The following ADAMTS12 variants were observed in gnomAD, a reference collection of about 807,000 sequenced individuals.
ADAMTS12 encodes A disintegrin and metalloproteinase with thrombospondin motifs 12.
In ADAMTS12, 118 loss-of-function variants were observed where a neutral mutation model predicts 167.8. That is an observed-to-expected ratio of 0.70 (90% confidence interval 0.61 to 0.82). ADAMTS12 has a LOEUF of 0.82. ADAMTS12 is among the 40% of genes least tolerant of loss of function. The probability of loss-of-function intolerance (pLI) is 0.00; values close to 1 mark genes in which losing one functional copy is unlikely to be tolerated. For missense variants in ADAMTS12, 1,916 were observed against 1,998.8 expected (o/e 0.96, Z 0.79); for synonymous variants, 704 against 716.9 (o/e 0.98, Z 0.29).
At chr5:33,812,284 G>A (rs776190307) in intron 2 of ADAMTS12, among the ~76,000 whole-genome samples, 13 of 152,142 alleles carry the variant, frequency 8.5e-5, no homozygotes, top group Admixed American at 3.3e-4. Flanking sequence ...GCAAGACTCC[G>A]TCTCAAAAAT....
chr5:33,818,282 T>A (rs1237758212), intron 2 of ADAMTS12, among the ~76,000 whole-genome samples: 1 of 151,990 alleles, frequency 6.6e-6, no homozygotes, highest in Non-Finnish European at 1.5e-5. Flanking sequence ...CTCTCCCCCA[T>A]CCCCCTGATG....
chr5:33,613,306 T>G (rs149974890), intron 16 of ADAMTS12, among the ~76,000 whole-genome samples: 1 of 152,340 alleles, frequency 6.6e-6, no homozygotes, highest in South Asian at 2.1e-4. Flanking sequence ...ATGAGTGATA[T>G]AGCCCCAAGT....
intron 2 of ADAMTS12, among the ~76,000 whole-genome samples, chr5:33,780,440 CAT>C (rs1376064797): frequency 6.6e-6 from 1 of 152,096 alleles, no homozygotes; most frequent in Non-Finnish European, 1.5e-5. Flanking sequence ...TACAAAGAAA[CAT>C]GTGCATGATC....
rs113457891 is a variant in ADAMTS12 at position 33,864,372 on chromosome 5, G to A, written c.489+16747C>T. Among the ~76,000 whole-genome samples, 1,427 of 152,226 alleles carry A rather than the reference G, an allele frequency of 9.4e-3. 27 individuals are homozygous for A. Among genetic ancestry groups the A allele is most frequent in the African/African-American group, 0.033 (1,356 of 41,542 alleles). ...GGAGAGGATGTAGAGAAATAGGAAT[G>A]CTTTCACACCATTGGTGAGAGTGTA... On this transcript the variant is annotated intron_variant, in intron 2 of 23. Coordinates refer to ENST00000504830, the MANE Select transcript of ADAMTS12 (RefSeq NM_030955.4).
intron 10 of ADAMTS12, among the ~76,000 whole-genome samples, chr5:33,642,604 G>C (rs1477565853): frequency 6.6e-6 from 1 of 152,064 alleles, no homozygotes; most frequent in Non-Finnish European, 1.5e-5. Flanking sequence ...CCTCTTCAAG[G>C]CAATCCTTCC....
intron 13 of ADAMTS12, among the ~76,000 whole-genome samples, chr5:33,628,202 C>A (rs1052904495): frequency 1.3e-5 from 2 of 152,074 alleles, no homozygotes; most frequent in Admixed American, 1.3e-4. Flanking sequence ...AGTCAACCAA[C>A]TGGTTACCAG....
At chr5:33,849,128 T>TATATATATGTATTGCATAGCA (rs1561306332) in intron 2 of ADAMTS12, among the ~76,000 whole-genome samples, 96 of 61,868 alleles carry the variant, frequency 1.6e-3, no homozygotes, top group Admixed American at 3.7e-3. Flanking sequence ...TGCATAGCAA[T>TATATATATGTATTGCATAGCA]ATATATATAT....
intron 2 of ADAMTS12, among the ~76,000 whole-genome samples, chr5:33,799,376 C>T (rs1389588244): frequency 6.6e-6 from 1 of 152,188 alleles, no homozygotes. Flanking sequence ...CTCACCCTTT[C>T]CCAAGGGGCT....
Position 33,752,227 on chromosome 5 carries a change from T to C in ADAMTS12, c.490-679A>G, listed in dbSNP as rs139897297. On this transcript the variant is annotated intron_variant, in intron 2 of 23. Transcript: ENST00000504830. ...TTAGAGGTCAGGTCTAGAAGTGCTA[T>C]AACCTACAACTCTCTTGTCCTTTTA... Among the ~76,000 whole-genome samples, 201 of 152,352 alleles carry C rather than the reference T, an allele frequency of 1.3e-3. 1 individual carries two copies. Among genetic ancestry groups the C allele is most frequent in the African/African-American group, 4.2e-3 (176 of 41,582 alleles).
chr5:33,592,195 C>G (rs530302780), intron 17 of ADAMTS12, among the ~76,000 whole-genome samples: 6 of 152,176 alleles, frequency 3.9e-5, no homozygotes, highest in African/African-American at 1.2e-4. Flanking sequence ...CGCCATTGCA[C>G]TCCAGCCCGG....
At chr5:33,570,717 T>C (rs1746287566) in intron 19 of ADAMTS12, among the ~76,000 whole-genome samples, 1 of 151,334 alleles carries the variant, frequency 6.6e-6, no homozygotes, top group African/African-American at 2.4e-5. Flanking sequence ...GCTAACATCA[T>C]AATGACAGGA....
At chr5:33,765,990 G>A (rs1466206291) in intron 2 of ADAMTS12, among the ~76,000 whole-genome samples, 5 of 151,934 alleles carry the variant, frequency 3.3e-5, no homozygotes, top group Admixed American at 1.3e-4. Context: ...GTAAATCTTC[G>A]GTTGTTCTGC....
At chr5:33,675,774 G>A (rs1741879990) in intron 5 of ADAMTS12, among the ~76,000 whole-genome samples, 1 of 152,066 alleles carries the variant, frequency 6.6e-6, no homozygotes, top group South Asian at 2.1e-4. Context: ...GTCTCAGAAG[G>A]GGTTAAGTCC....
chr5:33,886,551 A>T (rs1490724343), intron 1 of ADAMTS12, among the ~76,000 whole-genome samples: 1 of 152,238 alleles, frequency 6.6e-6, no homozygotes, highest in African/African-American at 2.4e-5. Context: ...CTTGGCAAAG[A>T]GTATAGCAGG....
intron 14 of ADAMTS12, among the ~76,000 whole-genome samples, chr5:33,622,361 A>C (rs1186486108): frequency 1.3e-5 from 2 of 152,178 alleles, no homozygotes; most frequent in African/African-American, 4.8e-5. Flanking sequence ...AAGAAAATTA[A>C]ATAAAACAGG....
intron 5 of ADAMTS12, among the ~76,000 whole-genome samples, chr5:33,679,918 A>C (rs1742047397): frequency 6.6e-6 from 1 of 152,160 alleles, no homozygotes; most frequent in Non-Finnish European, 1.5e-5. Flanking sequence ...ACAGCACTGA[A>C]CCTCACACTC....
chr5:33,889,356 C>T (rs1467338106), intron 1 of ADAMTS12, among the ~76,000 whole-genome samples: 5 of 151,944 alleles, frequency 3.3e-5, no homozygotes, highest in African/African-American at 7.3e-5. Flanking sequence ...CAAGTTTAAA[C>T]GTTCAGGATT....
intron 3 of ADAMTS12, among the ~76,000 whole-genome samples, chr5:33,731,649 C>A (rs1030371668): frequency 1.3e-5 from 2 of 152,080 alleles, no homozygotes; most frequent in African/African-American, 4.8e-5. Context: ...GCTAAAAATC[C>A]TTTTTGGGAC....
intron 1 of ADAMTS12, among the ~76,000 whole-genome samples, chr5:33,889,333 C>T (rs1464391746): frequency 6.6e-6 from 1 of 151,972 alleles, no homozygotes; most frequent in Non-Finnish European, 1.5e-5. Context: ...TGAGATGATC[C>T]TGAAGTAATT....
Sources: allele counts gnomAD v4.1 joint callset (sites outside exome capture counted in the v4.1 genomes callset), GRCh38; gene constraint gnomAD v4.1.1; transcripts MANE v1.5; gene names NCBI Gene and HGNC (gene_info 2026-07-23, HGNC 2026-07-21).